The following CLNK variants were observed in gnomAD, a reference collection of about 807,000 sequenced individuals.
The protein encoded by CLNK is cytokine-dependent hematopoietic cell linker.
A neutral mutation model predicts 68.6 loss-of-function variants in CLNK; 74 were observed. That is an observed-to-expected ratio of 1.08 (90% CI 0.89 to 1.31). The LOEUF is 1.31. Ranked by LOEUF, CLNK falls within the 50% of genes most tolerant of loss-of-function variation. CLNK has a pLI of 0.00. For synonymous variants in CLNK, 198 were observed against 172.2 expected (o/e 1.15, Z -1.17); for missense variants, 553 against 515.3 (o/e 1.07, Z -0.71).
chr4:10,667,586 C>T (rs780214498), intron 2 of CLNK, among the ~76,000 whole-genome samples: 1 of 152,066 alleles, frequency 6.6e-6, no homozygotes, highest in Non-Finnish European at 1.5e-5. Flanking sequence ...GTCTGGGTGC[C>T]CTTCTAGCAT....
At chr4:10,588,022 G>A (rs1721034013) in intron 3 of CLNK, among the ~76,000 whole-genome samples, 1 of 152,128 alleles carries the variant, frequency 6.6e-6, no homozygotes, top group African/African-American at 2.4e-5. Flanking sequence ...TTAGACATAT[G>A]GCCTCTTCTC....
chr4:10,558,565 C>A (rs934165136), intron 7 of CLNK, 113 bp from the exon 8 acceptor site: 155 of 950,486 alleles, frequency 1.6e-4, no homozygotes, highest in Admixed American at 1.6e-4. Context: ...AGTCCCTGGG[C>A]TCTCTGGTTT....
At chr4:10,676,233 G>A in intron 1 of CLNK, among the ~76,000 whole-genome samples, 1 of 152,040 alleles carries the variant, frequency 6.6e-6, no homozygotes, top group East Asian at 1.9e-4. Context: ...TTACATTTTA[G>A]AGATGCTCAT....
rs1181448235 is a variant in CLNK at position 10,542,259 on chromosome 4, T to C, written c.467A>G (p.Asn156Ser). The C allele has an allele frequency of 3.3e-6, 5 of 1,529,774 alleles. No individual in the cohort carries two copies. In the South Asian group the frequency reaches 6.0e-5, roughly 18 times the overall value. The allele number at this position is 1,529,774 out of a possible 1,614,324, so 94.8% of individuals were successfully genotyped here. A position where few individuals can be genotyped will look rare whatever the true frequency, so the allele number is the denominator to read the frequency against. ...NIKGDASVRK[N>S]KIPLPPPRPL... ...CATTTTATTGATTTCTCTTACCTTG[T>C]TCTTTCTTACGGATGCATCTCCTAA... The change falls in exon 9 of 19, where the codon AAC (asparagine) becomes AGC (serine). Residue 156 changes from asparagine (N) to serine (S), a missense_variant. Transcript: ENST00000226951.
the CLNK span, among the ~76,000 whole-genome samples, chr4:10,698,821 G>A: frequency 1.3e-5 from 2 of 152,186 alleles, no homozygotes; most frequent in African/African-American, 2.4e-5. Context: ...AGATTAACAT[G>A]TGAGTGAGTA....
At chr4:10,613,936 T>A (rs1291725786) in intron 2 of CLNK, among the ~76,000 whole-genome samples, 1 of 152,190 alleles carries the variant, frequency 6.6e-6, no homozygotes, top group Non-Finnish European at 1.5e-5. Flanking sequence ...TGCTTAAGAT[T>A]CCAGAGGAAG....
intron 2 of CLNK, among the ~76,000 whole-genome samples, chr4:10,641,673 C>G (rs1577190772): frequency 6.6e-6 from 1 of 152,328 alleles, no homozygotes; most frequent in East Asian, 1.9e-4. Context: ...ATGCATCCTT[C>G]AAGTACATCA....
intron 2 of CLNK, among the ~76,000 whole-genome samples, 190 bp from the exon 3 acceptor site, chr4:10,598,239 C>T (rs1258389515): frequency 6.6e-6 from 1 of 152,130 alleles, no homozygotes; most frequent in Non-Finnish European, 1.5e-5. Context: ...TAATCCAATT[C>T]TTAATTTTTT....
intron 12 of CLNK, chr4:10,531,826 G>T: frequency 2.2e-6 from 1 of 460,134 alleles, no homozygotes; most frequent in South Asian, 1.5e-5. Flanking sequence ...AGGTGGCACG[G>T]CAGGATTCCT....
chr4:10,610,092 T>G (rs1166463241), intron 2 of CLNK, among the ~76,000 whole-genome samples: 2 of 109,066 alleles, frequency 1.8e-5, no homozygotes, highest in African/African-American at 7.0e-5. Context: ...AGTCTCGTTC[T>G]GTCGCCCAGG....
intron 11 of CLNK, among the ~76,000 whole-genome samples, chr4:10,536,968 A>G (rs1330388799): frequency 6.6e-6 from 1 of 152,074 alleles, no homozygotes; most frequent in Non-Finnish European, 1.5e-5. Flanking sequence ...AGGCTTAAAT[A>G]CCTTCAAAGC....
intron 3 of CLNK, among the ~76,000 whole-genome samples, chr4:10,588,873 T>G (rs899848262): frequency 2.0e-5 from 3 of 152,144 alleles, no homozygotes; most frequent in South Asian, 4.1e-4. Context: ...ATACAATGTA[T>G]TATACGTCTA....
At chr4:10,501,101 T>C (rs771342783) in intron 18 of CLNK, among the ~76,000 whole-genome samples, 155 bp downstream of exon 18, 7 of 152,208 alleles carry the variant, frequency 4.6e-5, no homozygotes, top group Non-Finnish European at 8.8e-5. Context: ...GGCCAAAGTG[T>C]AAGATGTGCA....
intron 2 of CLNK, among the ~76,000 whole-genome samples, chr4:10,603,122 A>C (rs999536185): frequency 6.6e-6 from 1 of 152,186 alleles, no homozygotes; most frequent in African/African-American, 2.4e-5. Context: ...GTAAAACTGC[A>C]CTTCTCTCAA....
the CLNK span, among the ~76,000 whole-genome samples, chr4:10,728,501 G>T: frequency 6.6e-6 from 1 of 151,504 alleles, no homozygotes; most frequent in South Asian, 2.1e-4. Flanking sequence ...GCTTCCCCTT[G>T]GTCAACAGGT....
intron 8 of CLNK, among the ~76,000 whole-genome samples, chr4:10,554,725 G>A (rs752264383): frequency 3.3e-5 from 5 of 152,138 alleles, no homozygotes; most frequent in Non-Finnish European, 7.3e-5. Context: ...GATCAATTCT[G>A]CAACCTCGGG....
intron 14 of CLNK, among the ~76,000 whole-genome samples, chr4:10,522,958 A>G (rs959026201): frequency 6.6e-6 from 1 of 152,186 alleles, no homozygotes; most frequent in Non-Finnish European, 1.5e-5. Flanking sequence ...AGAGGCAAGG[A>G]GCCATGGCCT....
chr4:10,494,000 T>A (rs1716703731), intron 18 of CLNK, among the ~76,000 whole-genome samples: 1 of 152,214 alleles, frequency 6.6e-6, no homozygotes, highest in Non-Finnish European at 1.5e-5. Flanking sequence ...GGCCTTATGA[T>A]TAACTCCTCC....
the CLNK span, among the ~76,000 whole-genome samples, chr4:10,694,443 C>A: frequency 0.15 from 22,603 of 151,854 alleles, 1,780 homozygotes; most frequent in South Asian, 0.18. Context: ...GAAGGTCCCA[C>A]AAAGTTATAA....
Sources: allele counts gnomAD v4.1 joint callset (sites outside exome capture counted in the v4.1 genomes callset), GRCh38; gene constraint gnomAD v4.1.1; transcripts MANE v1.5; gene names NCBI Gene and HGNC (gene_info 2026-07-23, HGNC 2026-07-21).